The following AZI2 variants were observed in gnomAD, a reference collection of about 807,000 sequenced individuals.
The protein encoded by AZI2 is 5-azacytidine-induced protein 2.
A neutral mutation model predicts 45.8 loss-of-function variants in AZI2; 22 were observed. The ratio of observed to expected loss-of-function variants is 0.48; its 90% CI spans 0.34 to 0.69. The LOEUF (loss-of-function observed/expected upper bound fraction) is 0.69. AZI2 is among the 30% of genes least tolerant of loss of function. The pLI is 0.01. For synonymous variants in AZI2, 137 were observed against 156.7 expected (o/e 0.87, Z 0.94); for missense variants, 417 against 441.5 (o/e 0.94, Z 0.50).
At position 28,323,204 on chromosome 3, in the gene AZI2, CTTTT is replaced by C. The variant is rs763444616; in HGVS notation, c.*834_*837del. The stretch of plus-strand genomic sequence containing the variant: ...GCTGTAGTCTCTTTGAAGAAAATGA[CTTTT>C]TATCATTACACACATTTATGTTTAT... On this transcript the variant is annotated 3_prime_UTR_variant, in exon 8 of 8. Coordinates refer to ENST00000479665, the MANE Select transcript of AZI2 (RefSeq NM_022461.5). The C allele has an allele frequency of 2.6e-5, 4 of 151,080 alleles. No homozygotes were observed. Among genetic ancestry groups the C allele is most frequent in the African/African-American group, 9.7e-5 (4 of 41,286 alleles). The allele number at this position is 151,080 out of a possible 1,614,324, so 9.4% of individuals were successfully genotyped here.
chr3:28,331,883 G>C (rs768285992), intron 6 of AZI2: 1 of 1,548,012 alleles, frequency 6.5e-7, no homozygotes. Context: ...TGCGAAGAGG[G>C]AACAGTCCTC....
intron 1 of AZI2, among the ~76,000 whole-genome samples, chr3:28,343,920 G>A (rs1199822103): frequency 6.6e-6 from 1 of 151,952 alleles, no homozygotes; most frequent in Admixed American, 6.6e-5. Context: ...GACAATATGA[G>A]TAGTCAGACT....
intron 2 of AZI2, among the ~76,000 whole-genome samples, 160 bp from the exon 3 acceptor site, chr3:28,338,775 T>C (rs1189586368): frequency 2.6e-5 from 4 of 152,186 alleles, no homozygotes; most frequent in Admixed American, 6.5e-5. Context: ...AATCTTTACA[T>C]AGAAAGCAAA....
chr3:28,341,196 G>C lies in AZI2; in HGVS notation c.-5-574C>G, dbSNP rs930004026. 9.9e-5 allele frequency among the ~76,000 whole-genome samples: 15 copies of C among 152,026 alleles called. 1 individual carries two copies. Among genetic ancestry groups the C allele is most frequent in the African/African-American group, 3.6e-4 (15 of 41,428 alleles). On this transcript the variant is annotated intron_variant, in intron 1 of 7. Transcript: ENST00000479665. ...ATAGAAGACAAATTAATTAACATTT[G>C]AGTGTCCAATATGTCCCACTATAAT...
Position 28,340,591 on chromosome 3 carries a change from G to A in AZI2, c.27C>T (p.Ile9=). 3.1e-6 allele frequency: 5 copies of A among 1,611,484 alleles called. No homozygotes were observed. Among genetic ancestry groups the A allele is most frequent in the Non-Finnish European group, 4.2e-6 (5 of 1,178,880 alleles). Residue 9 remains isoleucine (I), a synonymous_variant, in exon 2 of 8, where the codon ATC becomes ATT. Coordinates refer to ENST00000479665, the MANE Select transcript of AZI2 (RefSeq NM_022461.5). ...GGGCTTTTTCATGATTCAGAATACA[G>A]ATATCATCTTCTACCAGTGCATCCA... is the stretch of plus-strand genomic sequence containing the variant. MDALVEDD[I]CILNHEKAHK...
chr3:28,334,014 T>C (rs1420564566), intron 5 of AZI2, among the ~76,000 whole-genome samples: 2 of 151,290 alleles, frequency 1.3e-5, no homozygotes, highest in African/African-American at 2.4e-5. Flanking sequence ...ACAGGATCAA[T>C]GGTTCTGAAT....
rs775828545 is a variant in AZI2 at position 28,324,256 on chromosome 3, TTGTC to T, written c.961_964del (p.Asp321MetfsTer104). 5.0e-6 allele frequency: 8 copies of T among 1,610,016 alleles called. No individual in the cohort carries two copies. The highest frequency in any genetic ancestry group is 1.7e-5 in the Admixed American group (1 of 59,712). On this transcript the variant is annotated frameshift_variant, in exon 8 of 8. Transcript: ENST00000479665. LOFTEE classifies it high-confidence loss of function. ...ACCATCATTAGGAATGGATCTCTCATTGTCTGTCCATGATTGGAGGATTGCTTTC... is the reference window on the plus strand; with the variant it reads ...ACCATCATTAGGAATGGATCTCTCATTGTCCATGATTGGAGGATTGCTTTC...
intron 5 of AZI2, 124 bp from the exon 6 acceptor site, chr3:28,332,551 C>T: frequency 1.5e-6 from 1 of 672,104 alleles, no homozygotes; most frequent in South Asian, 2.1e-5. Flanking sequence ...GCAAAGAATA[C>T]AATTAGATTT....
Position 28,323,380 on chromosome 3 carries a change from G to C in AZI2, c.*662C>G, listed in dbSNP as rs1703254184. On this transcript the variant is annotated 3_prime_UTR_variant, in exon 8 of 8. Transcript: ENST00000479665. ...TTTTTTTTTTTTTTTTTCCCAATTA[G>C]GACTTAAGGAATGTGCTGGGACAAA... 1 of 144,698 alleles carries C rather than the reference G, an allele frequency of 6.9e-6. No homozygotes were observed. The highest frequency in any genetic ancestry group is 2.5e-5 in the African/African-American group (1 of 39,512). The allele number at this position is 144,698 out of a possible 1,614,324, so 9.0% of individuals were successfully genotyped here.
Position 28,321,784 on chromosome 3 carries a change from C to G in AZI2, c.*2258G>C, listed in dbSNP as rs1233441739. ...TTTTAAGAATTCAGTTCCATTTTGG[C>G]AGCAACTCAGTAAGTCTTACAGATG... On this transcript the variant is annotated 3_prime_UTR_variant, in exon 8 of 8. Transcript: ENST00000479665. The G allele has an allele frequency of 6.6e-6, 1 of 151,324 alleles. No homozygotes were observed. Among genetic ancestry groups the G allele is most frequent in the Non-Finnish European group, 1.5e-5 (1 of 67,512 alleles). 9.4% of individuals were successfully genotyped at this position (151,324 alleles called of 1,614,324 possible).
chr3:28,341,011 T>C (rs987817397), intron 1 of AZI2, among the ~76,000 whole-genome samples: 3 of 152,026 alleles, frequency 2.0e-5, no homozygotes, highest in African/African-American at 7.2e-5. Context: ...TCCACTTAGA[T>C]CTATTAGTAG....
intron 6 of AZI2, 183 bp from the exon 7 acceptor site, chr3:28,327,133 AAC>A (rs1703418326): frequency 1.9e-6 from 1 of 537,474 alleles, no homozygotes; most frequent in South Asian, 2.1e-5. Context: ...TTGAAAGAAT[AAC>A]ACTGTCCATC....
intron 2 of AZI2, among the ~76,000 whole-genome samples, chr3:28,339,564 C>T (rs1478763602): frequency 6.6e-6 from 1 of 152,092 alleles, no homozygotes; most frequent in Admixed American, 6.6e-5. Context: ...TTACAACCGA[C>T]TCCTTTTCTC....
At chr3:28,332,035 A>G in intron 6 of AZI2, 1 of 819,832 alleles carries the variant, frequency 1.2e-6, no homozygotes, top group Non-Finnish European at 2.0e-6. Context: ...CTTAAGACAA[A>G]GGAATGTTAT....
At chr3:28,347,809 GAT>G (rs1320698596) in intron 1 of AZI2, among the ~76,000 whole-genome samples, 1 of 152,228 alleles carries the variant, frequency 6.6e-6, no homozygotes, top group Non-Finnish European at 1.5e-5. Context: ...TGGGCAATGA[GAT>G]ATGGCGTTTT....
At chr3:28,345,907 T>C (rs1188171429) in intron 1 of AZI2, among the ~76,000 whole-genome samples, 2 of 152,134 alleles carry the variant, frequency 1.3e-5, no homozygotes, top group Non-Finnish European at 2.9e-5. Context: ...TCATATTTCA[T>C]CATCTTTATA....
chr3:28,342,832 T>C (rs1471400568), intron 1 of AZI2, among the ~76,000 whole-genome samples: 1 of 151,496 alleles, frequency 6.6e-6, no homozygotes, highest in African/African-American at 2.4e-5. Flanking sequence ...AGAGGTAAAA[T>C]TGTACCCACA....
intron 1 of AZI2, among the ~76,000 whole-genome samples, chr3:28,341,070 A>G (rs1396458759): frequency 1.3e-5 from 2 of 152,026 alleles, no homozygotes; most frequent in African/African-American, 4.8e-5. Context: ...TTCTTTGAGT[A>G]TAATTCATTA....
At chr3:28,332,046 T>A (rs1317070194) in intron 6 of AZI2, 11 of 744,844 alleles carry the variant, frequency 1.5e-5, no homozygotes, top group Non-Finnish European at 2.4e-5. Flanking sequence ...GGAATGTTAT[T>A]ATATATAATG....
Sources: allele counts gnomAD v4.1 joint callset (sites outside exome capture counted in the v4.1 genomes callset), GRCh38; gene constraint gnomAD v4.1.1; transcripts MANE v1.5; gene names NCBI Gene and HGNC (gene_info 2026-07-23, HGNC 2026-07-21).